CACNA2D3: variants seen among roughly 807,000 people sequenced by gnomAD.
CACNA2D3 encodes calcium voltage-gated channel auxiliary subunit alpha2delta 3.
A neutral mutation model predicts 160.6 loss-of-function variants in CACNA2D3; 60 were observed. The observed-to-expected ratio is 0.37, with a 90% confidence interval of 0.30 to 0.46. The LOEUF (loss-of-function observed/expected upper bound fraction) is 0.46, where lower values mean the gene tolerates loss of function less well. Ranked by LOEUF, CACNA2D3 falls within the 20% of genes least tolerant of loss-of-function variation. The pLI is 1.00. For synonymous variants in CACNA2D3, 558 were observed against 492.9 expected, an observed-to-expected ratio of 1.13 and a Z score of -1.75; for missense variants, 1,205 against 1,365.0, an observed-to-expected ratio of 0.88 and a Z score of 1.85.
Position 54,662,802 on chromosome 3 carries a change from C to T in CACNA2D3, c.1167+20561C>T, listed in dbSNP as rs544416171. 7.9e-5 allele frequency among the ~76,000 whole-genome samples: 12 copies of T among 152,296 alleles called. No homozygotes were observed. The East Asian group carries it at 1.7e-3, about 22-fold the overall frequency. ...TATCTTCTCAGTGTTAATGTGGAAG[C>T]GGAAATTCAGTAGGAGTAACCAGGA... On this transcript the variant is annotated intron_variant, in intron 11 of 37. Transcript: ENST00000474759.
chr3:54,556,584 T>C (rs1008522194), intron 5 of CACNA2D3, among the ~76,000 whole-genome samples: 1 of 152,186 alleles, frequency 6.6e-6, no homozygotes, highest in Non-Finnish European at 1.5e-5. Context: ...TACAGAAAGC[T>C]AATTCAGTAC....
At chr3:54,885,260 C>T in intron 21 of CACNA2D3, 21 bp from the exon 22 acceptor site, 2 of 1,613,378 alleles carry the variant, frequency 1.2e-6, no homozygotes, top group South Asian at 1.1e-5. Context: ...TATTCATGAA[C>T]CCCTTCTCCT....
At chr3:54,192,645 T>C (rs1701003881) in intron 2 of CACNA2D3, among the ~76,000 whole-genome samples, 2 of 150,952 alleles carry the variant, frequency 1.3e-5, no homozygotes, top group Non-Finnish European at 2.9e-5. Context: ...TGGTCTCAGC[T>C]CCCTACATGC....
At position 54,622,134 on chromosome 3, in the gene CACNA2D3, A is replaced by G. The variant is rs544170614; in HGVS notation, c.964-5653A>G. On this transcript the variant is annotated intron_variant, in intron 9 of 37. Coordinates refer to ENST00000474759, the MANE Select transcript of CACNA2D3 (RefSeq NM_018398.3). ...CACTGATGCTCTCACTACCCCACCCACTACTCAGGTGCTTTCCCATCCTCA... is the reference window on the plus strand; with the variant it reads ...CACTGATGCTCTCACTACCCCACCCGCTACTCAGGTGCTTTCCCATCCTCA... Among the ~76,000 whole-genome samples the G allele has an allele frequency of 3.3e-5, 5 of 152,266 alleles. No individual in the cohort carries two copies. The East Asian group carries it at 5.8e-4, about 18-fold the overall frequency.
chr3:54,753,667 T>C (rs1461870716), intron 12 of CACNA2D3, among the ~76,000 whole-genome samples: 1 of 152,232 alleles, frequency 6.6e-6, no homozygotes, highest in Non-Finnish European at 1.5e-5. Flanking sequence ...ACTAATTAAG[T>C]TGGTCAACTT....
At chr3:54,310,013 G>C (rs572954708) in intron 2 of CACNA2D3, among the ~76,000 whole-genome samples, 1 of 151,908 alleles carries the variant, frequency 6.6e-6, no homozygotes, top group African/African-American at 2.4e-5. Flanking sequence ...ATAGTCTCTT[G>C]TTCCTGTGGC....
intron 27 of CACNA2D3, among the ~76,000 whole-genome samples, chr3:54,941,294 G>T (rs1701460356): frequency 1.3e-5 from 2 of 152,174 alleles, no homozygotes; most frequent in Admixed American, 1.3e-4. Flanking sequence ...TTGTGGATAT[G>T]ATCATAATCA....
In CACNA2D3 at chr3:54,198,219, A is replaced by G. The variant is rs553344565; in HGVS notation, c.204+74625A>G. On this transcript the variant is annotated intron_variant, in intron 2 of 37. Transcript: ENST00000474759. ...ATACCTAAAAGAGCCCCCATCCTCT[A>G]ATAGGCTCCTTGTGGCTCTGCCTAT... Among the ~76,000 whole-genome samples, 74 of 152,362 alleles carry G rather than the reference A, an allele frequency of 4.9e-4. 1 individual carries two copies. The highest frequency in any genetic ancestry group is 3.4e-3 in the Middle Eastern group (1 of 294).
chr3:54,918,174 C>G, intron 27 of CACNA2D3: 1 of 310,650 alleles, frequency 3.2e-6, no homozygotes, highest in Admixed American at 4.6e-5. Flanking sequence ...ATGGCATCTT[C>G]CCTTTCTCTG....
At chr3:54,745,584 G>T (rs1205949424) in intron 11 of CACNA2D3, among the ~76,000 whole-genome samples, 1 of 152,202 alleles carries the variant, frequency 6.6e-6, no homozygotes, top group Non-Finnish European at 1.5e-5. Flanking sequence ...AGTGGAGCTG[G>T]ATAGTCTAAT....
chr3:54,993,801 C>T (rs1465573051), intron 31 of CACNA2D3, among the ~76,000 whole-genome samples: 1 of 151,608 alleles, frequency 6.6e-6, no homozygotes, highest in Non-Finnish European at 1.5e-5. Context: ...CTCGTCGAGC[C>T]ACCAGTAGTA....
In CACNA2D3 at chr3:54,320,479, A is replaced by G. The variant is rs1390955816; in HGVS notation, c.242A>G (p.Glu81Gly). The G allele has an allele frequency of 1.9e-6, 3 of 1,565,012 alleles. No individual in the cohort carries two copies. Among genetic ancestry groups the G allele is most frequent in the Non-Finnish European group, 2.6e-6 (3 of 1,153,764 alleles). Residue 81 changes from glutamate to glycine, a missense_variant, in exon 3 of 38, where the codon GAA (glutamate) becomes GGA (glycine). Glu to Gly is a moderately conservative substitution (Grantham distance 98). Transcript: ENST00000474759. ...KEYEKDVAIEEIDGLQLVKKL... is the reference protein window; with the variant it reads ...KEYEKDVAIEGIDGLQLVKKL... ...TATGAGAAAGACGTTGCCATAGAAG[A>G]AATTGATGGCCTCCAACTGGTAAAG... is the stretch of plus-strand genomic sequence containing the variant.
At chr3:54,290,535 T>G (rs1275338911) in intron 2 of CACNA2D3, among the ~76,000 whole-genome samples, 1 of 151,450 alleles carries the variant, frequency 6.6e-6, no homozygotes, top group African/African-American at 2.4e-5. Flanking sequence ...GAAATACCAT[T>G]TGACCCAGCC....
intron 3 of CACNA2D3, among the ~76,000 whole-genome samples, chr3:54,327,309 A>G (rs550944753): frequency 6.6e-6 from 1 of 152,218 alleles, no homozygotes; most frequent in East Asian, 1.9e-4. Context: ...GAACCACTGG[A>G]TGACTTGTAT....
intron 13 of CACNA2D3, among the ~76,000 whole-genome samples, chr3:54,803,366 G>A (rs1703040381): frequency 6.6e-6 from 1 of 152,194 alleles, no homozygotes; most frequent in Non-Finnish European, 1.5e-5. Context: ...AGTGCTTAAA[G>A]GAGCTGATGG....
intron 10 of CACNA2D3, among the ~76,000 whole-genome samples, chr3:54,630,421 G>A (rs573276609): frequency 1.3e-5 from 2 of 152,110 alleles, no homozygotes; most frequent in East Asian, 3.9e-4. Context: ...CATAGCATGC[G>A]CAGTTTAATG....
chr3:54,665,753 G>A (rs1700054863), intron 11 of CACNA2D3, among the ~76,000 whole-genome samples: 1 of 151,908 alleles, frequency 6.6e-6, no homozygotes, highest in Admixed American at 6.6e-5. Flanking sequence ...AGCGATGGGT[G>A]GGTGGGTACA....
chr3:54,847,630 T>C (rs1332974876), intron 17 of CACNA2D3, among the ~76,000 whole-genome samples: 1 of 152,254 alleles, frequency 6.6e-6, no homozygotes, highest in Non-Finnish European at 1.5e-5. Flanking sequence ...TGCTTTAAGA[T>C]GGGCCTTATG....
intron 4 of CACNA2D3, among the ~76,000 whole-genome samples, chr3:54,404,241 C>T (rs1699529591): frequency 6.6e-6 from 1 of 152,032 alleles, no homozygotes; most frequent in Admixed American, 6.6e-5. Flanking sequence ...TGTAAAAAAT[C>T]ATCAATAATA....
Sources: gnomAD v4.1 joint callset for allele counts (sites outside exome capture counted in the v4.1 genomes callset) on GRCh38, gnomAD v4.1.1 for gene constraint, MANE v1.5 for transcripts, NCBI Gene and HGNC (gene_info 2026-07-23, HGNC 2026-07-21) for gene names.